Variants in STAB2 observed in about 807,000 individuals in gnomAD.
The protein encoded by STAB2 is stabilin-2.
A neutral mutation model predicts 338.1 loss-of-function variants in STAB2; 288 were observed. That is an observed-to-expected ratio of 0.85 (90% CI 0.77 to 0.94). The LOEUF (loss-of-function observed/expected upper bound fraction) is 0.94. Among genes scored for constraint, STAB2 ranks in the 40% least tolerant of loss-of-function variants. The pLI, the probability that STAB2 is intolerant of heterozygous loss-of-function variation, is 0.00. For synonymous variants in STAB2, 1,202 were observed against 1,193.3 expected (o/e 1.01, Z -0.15); for missense variants, 3,141 against 3,210.1 (o/e 0.98, Z 0.52).
chr12:103,737,606 CTTT>C (rs761241523), intron 52 of STAB2, 25 bp from the exon 53 acceptor site: 177,648 of 988,148 alleles, frequency 0.18, 9,297 homozygotes, highest in Middle Eastern at 0.2. Context: ...CTCTCTTTCT[CTTT>C]TTTTTTTTTT....
intron 3 of STAB2, among the ~76,000 whole-genome samples, chr12:103,616,011 G>A (rs1332938851): frequency 6.6e-6 from 1 of 152,168 alleles, no homozygotes; most frequent in Non-Finnish European, 1.5e-5. Flanking sequence ...TTGGAAATCT[G>A]CCTTTGTAAA....
Position 103,620,464 on chromosome 12 carries a change from C to T in STAB2, c.332-4C>T, listed in dbSNP as rs763571232. The T allele has an allele frequency of 4.4e-6, 7 of 1,575,906 alleles. No homozygotes were observed. The highest frequency in any genetic ancestry group is 1.7e-4 in the Middle Eastern group (1 of 6,022). On this transcript the variant is annotated splice_region_variant and splice_polypyrimidine_tract_variant and intron_variant, in intron 3 of 68. Transcript: ENST00000388887. ...GAATACATCTGAGCTGTTTGATTCC[C>T]TAGAGTGCCCAGGTGGAGCGGGGTC... is the stretch of plus-strand genomic sequence containing the variant.
chr12:103,602,268 G>C (rs1378924173), intron 3 of STAB2, among the ~76,000 whole-genome samples: 3 of 152,138 alleles, frequency 2.0e-5, no homozygotes, highest in Admixed American at 2.0e-4. Flanking sequence ...ATGAATCCGA[G>C]ATGCATCCAT....
intron 52 of STAB2, among the ~76,000 whole-genome samples, chr12:103,737,379 C>A (rs1307111109): frequency 6.6e-6 from 1 of 152,204 alleles, no homozygotes; most frequent in Non-Finnish European, 1.5e-5. Context: ...TCCATAGAGA[C>A]ACCTTGGATT....
At chr12:103,622,676 G>T (rs942062419) in intron 5 of STAB2, among the ~76,000 whole-genome samples, 1 of 152,238 alleles carries the variant, frequency 6.6e-6, no homozygotes, top group Non-Finnish European at 1.5e-5. Flanking sequence ...AAACAACAAA[G>T]CTGTTAAATG....
rs1881529992 is a variant in STAB2 at position 103,730,248 on chromosome 12, A to G, written c.5215A>G (p.Arg1739Gly). The G allele has an allele frequency of 1.2e-6, 2 of 1,613,494 alleles. No homozygotes were observed. Among genetic ancestry groups the G allele is most frequent in the African/African-American group, 1.3e-5 (1 of 74,920 alleles). The change falls in exon 49 of 69, where the codon AGA becomes GGA. Residue 1739 changes from arginine to glycine, a missense_variant. By Grantham distance (125) the Arg-to-Gly change is moderately radical. Coordinates refer to ENST00000388887, the MANE Select transcript of STAB2 (RefSeq NM_017564.10). ...TATCACTCCCAAAGACAACTCTGGA[A>G]GAATTCTGGTAGGTAAACTCTCTGT... ...LLITPKDNSG[R>G]ILQNLTTLAT...
At chr12:103,707,030 C>G (rs1879429835) in intron 38 of STAB2, 43 bp downstream of exon 38, 2 of 1,601,836 alleles carry the variant, frequency 1.2e-6, no homozygotes, top group Non-Finnish European at 1.7e-6. Flanking sequence ...GCTGCTGAAA[C>G]CAACCAGGAA....
At chr12:103,663,984 A>C (rs1874848505) in intron 18 of STAB2, among the ~76,000 whole-genome samples, 1 of 152,200 alleles carries the variant, frequency 6.6e-6, no homozygotes, top group Non-Finnish European at 1.5e-5. Flanking sequence ...CTTCTCAGGT[A>C]GCTGCTCTAG....
intron 7 of STAB2, 75 bp downstream of exon 7, chr12:103,637,311 A>G: frequency 6.5e-7 from 1 of 1,539,432 alleles, no homozygotes; most frequent in Non-Finnish European, 8.7e-7. Context: ...AAAATCTCAC[A>G]ACCTCCTTAA....
At chr12:103,714,764 G>C (rs182933786) in intron 42 of STAB2, among the ~76,000 whole-genome samples, 1 of 151,772 alleles carries the variant, frequency 6.6e-6, no homozygotes, top group South Asian at 2.1e-4. Flanking sequence ...CCATTTGAGA[G>C]TAATCTGTGT....
intron 2 of STAB2, 90 bp from the exon 3 acceptor site, chr12:103,594,305 A>G (rs1956842634): frequency 2.2e-6 from 2 of 919,458 alleles, no homozygotes; most frequent in East Asian, 4.8e-5. Context: ...ATAAATATTA[A>G]GACCTAAATT....
intron 3 of STAB2, among the ~76,000 whole-genome samples, chr12:103,602,072 A>G (rs1956962190): frequency 6.6e-6 from 1 of 152,220 alleles, no homozygotes; most frequent in Non-Finnish European, 1.5e-5. Context: ...CGCCACAATT[A>G]AGATAGGGAA....
At chr12:103,763,201 C>G in intron 67 of STAB2, 1 of 327,560 alleles carries the variant, frequency 3.1e-6, no homozygotes, top group Non-Finnish European at 5.7e-6. Context: ...AGCAGTTACC[C>G]TGGGTGGCAG....
chr12:103,699,616 A>C (rs960581045), intron 34 of STAB2, among the ~76,000 whole-genome samples: 1 of 152,186 alleles, frequency 6.6e-6, no homozygotes, highest in Non-Finnish European at 1.5e-5. Flanking sequence ...GGTCCCTCCC[A>C]CAACACGTGG....
chr12:103,758,585 C>T (rs1160198019), intron 64 of STAB2, among the ~76,000 whole-genome samples: 2 of 152,214 alleles, frequency 1.3e-5, no homozygotes, highest in African/African-American at 4.8e-5. Context: ...AGAGTAGGCC[C>T]TGTCCCAACA....
At chr12:103,588,870 A>G (rs1386031295) in intron 1 of STAB2, among the ~76,000 whole-genome samples, 2 of 152,242 alleles carry the variant, frequency 1.3e-5, no homozygotes, top group African/African-American at 4.8e-5. Flanking sequence ...TTATTACTCA[A>G]TAAAGAACCT....
At chr12:103,618,907 C>T (rs773197073) in intron 3 of STAB2, among the ~76,000 whole-genome samples, 9 of 152,030 alleles carry the variant, frequency 5.9e-5, no homozygotes, top group Admixed American at 1.3e-4. Flanking sequence ...ATCATGGGGG[C>T]GGGCCTTTCC....
At position 103,686,315 on chromosome 12, in the gene STAB2, A is replaced by G. The variant is rs184097962; in HGVS notation, c.2997+1231A>G. The stretch of plus-strand genomic sequence containing the variant: ...AACTGTGCCTTCTACTCACCGAGTC[A>G]GGCCAAGGAGCTGTCTCCTGACATG... On this transcript the variant is annotated intron_variant, in intron 27 of 68. Coordinates refer to ENST00000388887, the MANE Select transcript of STAB2 (RefSeq NM_017564.10). 2.0e-3 allele frequency among the ~76,000 whole-genome samples: 298 copies of G among 152,298 alleles called. 4 individuals carry two copies. The Middle Eastern group carries it at 0.024, about 12-fold the overall frequency.
In STAB2 at chr12:103,652,508, A is replaced by T. The variant is rs778722796; in HGVS notation, c.1258-48A>T. 7 of 1,507,726 alleles carry T rather than the reference A, an allele frequency of 4.6e-6. No homozygotes were observed. The African/African-American group carries it at 8.4e-5, about 18-fold the overall frequency. 93.4% of individuals were successfully genotyped at this position (1,507,726 alleles called of 1,614,324 possible). A position where few individuals can be genotyped will look rare whatever the true frequency, so the allele number is the denominator to read the frequency against. ...AGTAAGGCACAGCATGTGTTACAAA[A>T]CTCATTTTCTTCTTCAAATAATAGT... On this transcript the variant is annotated intron_variant, in intron 11 of 68. Coordinates refer to ENST00000388887, the MANE Select transcript of STAB2 (RefSeq NM_017564.10).
Sources: gnomAD v4.1 joint callset for allele counts (sites outside exome capture counted in the v4.1 genomes callset) on GRCh38, gnomAD v4.1.1 for gene constraint, MANE v1.5 for transcripts, NCBI Gene and HGNC (gene_info 2026-07-23, HGNC 2026-07-21) for gene names.